Variants in TLN2 observed in about 807,000 individuals in gnomAD.
TLN2 encodes the protein talin-2.
Under a neutral mutation model 294.7 loss-of-function variants are expected in TLN2, and 118 were observed. The observed-to-expected ratio is 0.40, with a 90% CI of 0.34 to 0.47. TLN2 has a LOEUF of 0.47. Ranked by LOEUF, TLN2 falls within the 20% of genes least tolerant of loss-of-function variation. The probability of loss-of-function intolerance (pLI) is 0.84; values close to 1 mark genes in which losing one functional copy is unlikely to be tolerated. For missense variants in TLN2, 3,083 were observed against 3,282.2 expected, an observed-to-expected ratio of 0.94 and a Z score of 1.48; for synonymous variants, 1,431 against 1,304.5, an observed-to-expected ratio of 1.10 and a Z score of -2.09.
rs951269635 is a variant in TLN2, at chr15:62,597,100, C to T, written c.-162+7338C>T. ...ATTCTTGCTTTCAGTCCTGCTGTTC[C>T]CCTTTGCACCCTCAGATGACACAGG... is the stretch of plus-strand genomic sequence containing the variant. On this transcript the variant is annotated intron_variant, in intron 2 of 58. Coordinates refer to ENST00000636159, the MANE Select transcript of TLN2 (RefSeq NM_015059.3). Among the ~76,000 whole-genome samples, 6 of 152,136 alleles carry T rather than the reference C, an allele frequency of 3.9e-5. No homozygotes were observed. The East Asian group carries it at 7.7e-4, about 20-fold the overall frequency.
intron 1 of TLN2, among the ~76,000 whole-genome samples, chr15:62,575,500 C>T (rs529955894): frequency 9.1e-4 from 139 of 152,210 alleles, no homozygotes; most frequent in African/African-American, 2.1e-3. Flanking sequence ...TCTGTACTTA[C>T]TGTGGACCAG....
chr15:62,701,115 G>A lies in TLN2; in HGVS notation c.1597G>A (p.Val533Ile). The A allele has an allele frequency of 6.2e-7, 1 of 1,614,022 alleles. No homozygotes were observed. The highest frequency in any genetic ancestry group is 8.5e-7 in the Non-Finnish European group (1 of 1,179,988). The change falls in exon 17 of 59, where the codon GTA (valine) becomes ATA (isoleucine). Residue 533 changes from valine to isoleucine, a missense_variant. Physicochemically the swap from Val to Ile is conservative, Grantham distance 29. Transcript: ENST00000636159. The stretch of plus-strand genomic sequence containing the variant: ...TTGTCTGGCTTTGCAGGCATCTAGG[G>A]TATGGGTTCAGAACAAAGTCGACGA... ...PPLGQDMASR[V>I]WVQNKVDESK...
chr15:62,718,415 G>A (rs1215960403), intron 24 of TLN2, among the ~76,000 whole-genome samples: 2 of 152,120 alleles, frequency 1.3e-5, no homozygotes, highest in African/African-American at 4.8e-5. Flanking sequence ...TGTCTCTGCT[G>A]GGGTTATGAG....
In TLN2 at chr15:62,435,550, TA is replaced by T. The variant is rs1289366844; in HGVS notation, c.-238+44866del. On this transcript the variant is annotated intron_variant, in intron 1 of 58. Coordinates refer to ENST00000636159, the MANE Select transcript of TLN2 (RefSeq NM_015059.3). The stretch of plus-strand genomic sequence containing the variant: ...TTTGATTTTTAAAATTATTTTTATT[TA>T]TTTTTTTGAAATGGAGTTTTGCTCT... Among the ~76,000 whole-genome samples the T allele has an allele frequency of 3.9e-5, 6 of 152,362 alleles. No individual in the cohort carries two copies. The East Asian group carries it at 1.2e-3, about 29-fold the overall frequency.
chr15:62,757,084 T>G (rs765449177), intron 37 of TLN2, among the ~76,000 whole-genome samples: 4 of 152,142 alleles, frequency 2.6e-5, no homozygotes, highest in Non-Finnish European at 2.9e-5. Context: ...ATTTTGTGCT[T>G]TAGGTATGTT....
intron 17 of TLN2, 50 bp downstream of exon 17, chr15:62,701,264 TG>T: frequency 2.8e-6 from 4 of 1,422,512 alleles, no homozygotes; most frequent in South Asian, 1.3e-5. Flanking sequence ...TTAAAAGCTG[TG>T]TTTTTTTTTT....
chr15:62,582,289 GTTT>G (rs1270127313), intron 1 of TLN2, among the ~76,000 whole-genome samples: 1 of 144,766 alleles, frequency 6.9e-6, no homozygotes, highest in Non-Finnish European at 1.5e-5. Flanking sequence ...CTGTACCCCA[GTTT>G]TTTGGGGCCC....
intron 21 of TLN2, among the ~76,000 whole-genome samples, chr15:62,710,720 C>CTTTTTTTT (rs71287048): frequency 4.7e-4 from 36 of 77,070 alleles, no homozygotes; most frequent in Admixed American, 5.8e-4. Context: ...TGCTGATGTC[C>CTTTTTTTT]TTTTTTTTTT....
chr15:62,698,409 C>G (rs1016251708), intron 15 of TLN2, among the ~76,000 whole-genome samples: 1 of 152,216 alleles, frequency 6.6e-6, no homozygotes, highest in Non-Finnish European at 1.5e-5. Flanking sequence ...ATTTAACACC[C>G]ACGTGTTTCC....
At chr15:62,603,892 G>A (rs2140791766) in intron 2 of TLN2, among the ~76,000 whole-genome samples, 1 of 152,336 alleles carries the variant, frequency 6.6e-6, no homozygotes, top group East Asian at 1.9e-4. Context: ...CCAGAAGTTA[G>A]CAATCTTTTC....
chr15:62,474,205 C>A (rs993343184), intron 1 of TLN2, among the ~76,000 whole-genome samples: 11 of 152,190 alleles, frequency 7.2e-5, no homozygotes, highest in African/African-American at 2.2e-4. Context: ...ACCTGAGGTT[C>A]AGAAAAGAAA....
intron 4 of TLN2, among the ~76,000 whole-genome samples, chr15:62,649,008 C>T (rs1046813235): frequency 3.9e-5 from 6 of 151,994 alleles, no homozygotes; most frequent in African/African-American, 9.7e-5. Flanking sequence ...CCACCACACC[C>T]GGCTAATTTT....
chr15:62,610,766 T>C (rs1340632802), intron 2 of TLN2, among the ~76,000 whole-genome samples: 1 of 152,210 alleles, frequency 6.6e-6, no homozygotes, highest in African/African-American at 2.4e-5. Context: ...GTGCCAGGAG[T>C]ATTGATTTTG....
intron 1 of TLN2, among the ~76,000 whole-genome samples, chr15:62,461,192 C>T (rs1044856273): frequency 3.3e-5 from 5 of 152,160 alleles, no homozygotes; most frequent in Middle Eastern, 3.2e-3. Context: ...GATCCGCCTG[C>T]GTCGGCCTCC....
intron 1 of TLN2, among the ~76,000 whole-genome samples, chr15:62,409,721 C>T (rs2140251020): frequency 6.6e-6 from 1 of 151,774 alleles, no homozygotes; most frequent in Non-Finnish European, 1.5e-5. Context: ...TTGGACTCTG[C>T]ATGCATATTT....
chr15:62,498,734 G>A (rs1042806338), intron 1 of TLN2, among the ~76,000 whole-genome samples: 8 of 133,270 alleles, frequency 6.0e-5, no homozygotes, highest in African/African-American at 2.7e-4. Flanking sequence ...TTCTTAGGAG[G>A]GTTTTTTTTT....
rs1195790067 is a variant in TLN2, at chr15:62,710,102, G to C, written c.2467+1306G>C. Among the ~76,000 whole-genome samples the C allele has an allele frequency of 1.3e-5, 2 of 152,050 alleles. 1 individual carries two copies. Among genetic ancestry groups the C allele is most frequent in the East Asian group, 3.9e-4 (2 of 5,184 alleles). On this transcript the variant is annotated intron_variant, in intron 21 of 58. Coordinates refer to ENST00000636159, the MANE Select transcript of TLN2 (RefSeq NM_015059.3). ...GCAGCATAGTATTCTATTTTTTGAA[G>C]GTATCATAATTTAACCAATAATCTT...
At position 62,662,822 on chromosome 15, in the gene TLN2, G is replaced by GTTTTTTTT. The variant is rs772448730; in HGVS notation, c.788+4935_788+4942dup. Among the ~76,000 whole-genome samples the GTTTTTTTT allele has an allele frequency of 6.5e-5, 7 of 108,230 alleles. 1 individual carries two copies. Among genetic ancestry groups the GTTTTTTTT allele is most frequent in the South Asian group, 3.2e-4 (1 of 3,132 alleles). The allele number at this position is 108,230 out of a possible 152,430, so 71.0% of individuals were successfully genotyped here. A position where few individuals can be genotyped will look rare whatever the true frequency, so the allele number is the denominator to read the frequency against. On this transcript the variant is annotated intron_variant, in intron 9 of 58. Coordinates refer to ENST00000636159, the MANE Select transcript of TLN2 (RefSeq NM_015059.3). ...TTGGTGTATTTTAGGGATTGAGAGA[G>GTTTTTTTT]TTTTTTTTTTTTTTTTTTGGAGACA... is the stretch of plus-strand genomic sequence containing the variant.
chr15:62,677,557 A>G (rs2056353457), intron 11 of TLN2, among the ~76,000 whole-genome samples: 1 of 152,196 alleles, frequency 6.6e-6, no homozygotes, highest in African/African-American at 2.4e-5. Context: ...GGTCACCAGG[A>G]TAATTTGAGA....
Sources: allele counts gnomAD v4.1 joint callset (sites outside exome capture counted in the v4.1 genomes callset), GRCh38; gene constraint gnomAD v4.1.1; transcripts MANE v1.5; gene names NCBI Gene and HGNC (gene_info 2026-07-23, HGNC 2026-07-21).